Variants in SLX4IP observed in about 807,000 individuals in gnomAD.
SLX4IP encodes protein SLX4IP.
Under a neutral mutation model 32.9 loss-of-function variants are expected in SLX4IP, and 34 were observed. That is an observed-to-expected ratio of 1.03 (90% CI 0.79 to 1.38). The LOEUF is 1.38. Ranked by LOEUF, SLX4IP falls within the 40% of genes most tolerant of loss-of-function variation. The probability of loss-of-function intolerance (pLI) is 0.00; values close to 1 mark genes in which losing one functional copy is unlikely to be tolerated. For synonymous variants in SLX4IP, 172 were observed against 171.7 expected, an observed-to-expected ratio of 1.00 and a Z score of -0.01; for missense variants, 444 against 479.0, an observed-to-expected ratio of 0.93 and a Z score of 0.68.
At chr20:10,601,254 C>G (rs1431555581) in intron 5 of SLX4IP, among the ~76,000 whole-genome samples, 3 of 152,134 alleles carry the variant, frequency 2.0e-5, no homozygotes, top group East Asian at 3.9e-4. Flanking sequence ...AGTTTGCCCT[C>G]CAGGGTCGGG....
chr20:10,552,932 A>G (rs1382997134), intron 2 of SLX4IP, among the ~76,000 whole-genome samples: 1 of 151,404 alleles, frequency 6.6e-6, no homozygotes, highest in Admixed American at 6.6e-5. Flanking sequence ...CTTGGTTTAG[A>G]TTAAAAAATC....
chr20:10,553,749 G>A (rs1015573238), intron 2 of SLX4IP, among the ~76,000 whole-genome samples: 2 of 152,140 alleles, frequency 1.3e-5, no homozygotes, highest in African/African-American at 4.8e-5. Flanking sequence ...TTGATATTTT[G>A]TATTGCATTC....
intron 2 of SLX4IP, among the ~76,000 whole-genome samples, chr20:10,555,097 C>T (rs989246047): frequency 2.6e-5 from 4 of 151,700 alleles, no homozygotes; most frequent in South Asian, 4.2e-4. Flanking sequence ...TTGTATATAG[C>T]GTGAGGTAGG....
intron 2 of SLX4IP, among the ~76,000 whole-genome samples, chr20:10,510,478 G>A (rs763608625): frequency 5.9e-5 from 9 of 152,338 alleles, no homozygotes; most frequent in South Asian, 2.1e-4. Flanking sequence ...CGGGGAGCAC[G>A]GAGCCCTGCT....
At chr20:10,480,642 A>G (rs559192843) in intron 2 of SLX4IP, among the ~76,000 whole-genome samples, 3 of 152,330 alleles carry the variant, frequency 2.0e-5, no homozygotes, top group Admixed American at 6.5e-5. Flanking sequence ...CTGAACCTCA[A>G]ATTTCTTTTT....
At chr20:10,609,450 G>C (rs1350825589) in intron 6 of SLX4IP, among the ~76,000 whole-genome samples, 1 of 152,160 alleles carries the variant, frequency 6.6e-6, no homozygotes, top group African/African-American at 2.4e-5. Context: ...CAGGGAAATG[G>C]CAAGAGCTAT....
intron 2 of SLX4IP, among the ~76,000 whole-genome samples, chr20:10,464,479 G>A (rs998669913): frequency 6.6e-6 from 1 of 152,202 alleles, no homozygotes; most frequent in Non-Finnish European, 1.5e-5. Flanking sequence ...CCAGGAGTTA[G>A]AGACCAGCAG....
intron 2 of SLX4IP, among the ~76,000 whole-genome samples, chr20:10,540,066 T>G (rs898141775): frequency 2.1e-5 from 3 of 144,022 alleles, no homozygotes; most frequent in Non-Finnish European, 4.7e-5. Flanking sequence ...TTTGTTTTCT[T>G]TCTTTTCTTT....
intron 4 of SLX4IP, among the ~76,000 whole-genome samples, chr20:10,566,144 G>A (rs1174912194): frequency 2.0e-5 from 3 of 151,872 alleles, no homozygotes; most frequent in African/African-American, 4.8e-5. Flanking sequence ...TGTGTTCTTC[G>A]CCTGTAACTC....
In SLX4IP at chr20:10,532,850, A is replaced by C. The variant is rs142212559; in HGVS notation, c.28-23381A>C. On this transcript the variant is annotated intron_variant, in intron 2 of 7. Coordinates refer to ENST00000334534, the MANE Select transcript of SLX4IP (RefSeq NM_001009608.3). ...GAGTGCAGTAGCGTGATCTCGGCTC[A>C]CTGTAACCTCTGCCTCCCGGGTTCA... 4.3e-3 allele frequency among the ~76,000 whole-genome samples: 654 copies of C among 151,266 alleles called. 3 individuals are homozygous for C. Among genetic ancestry groups the C allele is most frequent in the African/African-American group, 0.015 (613 of 41,156 alleles).
intron 2 of SLX4IP, among the ~76,000 whole-genome samples, chr20:10,534,482 AG>A (rs1167039624): frequency 6.6e-6 from 1 of 152,176 alleles, no homozygotes; most frequent in Non-Finnish European, 1.5e-5. Flanking sequence ...TGCAAGATAA[AG>A]GGTGAGTTGC....
intron 2 of SLX4IP, among the ~76,000 whole-genome samples, chr20:10,532,478 A>C (rs1216615718): frequency 6.6e-6 from 1 of 152,162 alleles, no homozygotes; most frequent in Non-Finnish European, 1.5e-5. Context: ...ACCTGATTGT[A>C]GTACCCTTTC....
intron 2 of SLX4IP, among the ~76,000 whole-genome samples, chr20:10,483,421 CAAGA>C (rs1257942983): frequency 6.6e-6 from 1 of 152,082 alleles, no homozygotes; most frequent in Non-Finnish European, 1.5e-5. Context: ...TGCGCTTGTC[CAAGA>C]AAGGTAATTT....
At chr20:10,605,382 A>G (rs769633238) in intron 6 of SLX4IP, among the ~76,000 whole-genome samples, 9 of 152,208 alleles carry the variant, frequency 5.9e-5, no homozygotes, top group Non-Finnish European at 1.2e-4. Flanking sequence ...CAAGGAGCTT[A>G]CAGTTTGGCA....
intron 1 of SLX4IP, among the ~76,000 whole-genome samples, chr20:10,435,912 T>G (rs999303529): frequency 8.5e-5 from 13 of 152,230 alleles, no homozygotes; most frequent in African/African-American, 3.1e-4. Flanking sequence ...AAAAAATCCA[T>G]TAACTCATGG....
chr20:10,538,076 T>G (rs1280271905), intron 2 of SLX4IP, among the ~76,000 whole-genome samples: 1 of 152,164 alleles, frequency 6.6e-6, no homozygotes, highest in Non-Finnish European at 1.5e-5. Flanking sequence ...AAAGCAGTCA[T>G]TGACAACTTC....
At chr20:10,480,492 G>A (rs1231184982) in intron 2 of SLX4IP, among the ~76,000 whole-genome samples, 1 of 152,030 alleles carries the variant, frequency 6.6e-6, no homozygotes, top group Non-Finnish European at 1.5e-5. Context: ...TATATCATAT[G>A]TACAGATGGA....
intron 2 of SLX4IP, among the ~76,000 whole-genome samples, chr20:10,466,979 C>T (rs1328836989): frequency 6.6e-6 from 1 of 152,082 alleles, no homozygotes; most frequent in Non-Finnish European, 1.5e-5. Context: ...TTCCTTAGAA[C>T]ACCACAAAAA....
chr20:10,456,270 A>C (rs2065284734), intron 1 of SLX4IP, among the ~76,000 whole-genome samples: 1 of 152,212 alleles, frequency 6.6e-6, no homozygotes, highest in African/African-American at 2.4e-5. Flanking sequence ...CATTTCTGAT[A>C]AGGGATACTC....
Sources: allele counts gnomAD v4.1 joint callset (sites outside exome capture counted in the v4.1 genomes callset), GRCh38; gene constraint gnomAD v4.1.1; transcripts MANE v1.5; gene names NCBI Gene and HGNC (gene_info 2026-07-23, HGNC 2026-07-21).